The following CNTLN variants were observed in gnomAD, a reference collection of about 807,000 sequenced individuals.
CNTLN encodes the protein centlein.
Under a neutral mutation model 180.0 loss-of-function variants are expected in CNTLN, and 212 were observed. The observed-to-expected ratio is 1.18, with a 90% CI of 1.05 to 1.32. The LOEUF is 1.32. Among genes scored for constraint, CNTLN ranks in the 40% most tolerant of loss-of-function variants. CNTLN has a pLI of 0.00. For missense variants in CNTLN, 2,095 were observed against 1,610.9 expected (o/e 1.30, Z -5.14); for synonymous variants, 722 against 563.1 (o/e 1.28, Z -3.99).
At chr9:17,318,337 A>G (rs1186129101) in intron 8 of CNTLN, among the ~76,000 whole-genome samples, 2 of 152,038 alleles carry the variant, frequency 1.3e-5, no homozygotes, top group Admixed American at 1.3e-4. Flanking sequence ...CCCTAACTGA[A>G]TATTTTTAAA....
At chr9:17,189,987 GA>G (rs1821693431) in intron 2 of CNTLN, among the ~76,000 whole-genome samples, 1 of 151,650 alleles carries the variant, frequency 6.6e-6, no homozygotes, top group Non-Finnish European at 1.5e-5. Flanking sequence ...TTAATACTCA[GA>G]ACTTCCGGAA....
At chr9:17,293,758 T>C (rs1319785457) in intron 6 of CNTLN, among the ~76,000 whole-genome samples, 2 of 151,940 alleles carry the variant, frequency 1.3e-5, no homozygotes, top group Non-Finnish European at 2.9e-5. Context: ...CATTAGGAAG[T>C]TGGTAGTCGT....
chr9:17,507,548 A>G (rs574710248), downstream of CNTLN, among the ~76,000 whole-genome samples: 5 of 152,294 alleles, frequency 3.3e-5, no homozygotes, highest in South Asian at 1.0e-3. Flanking sequence ...TTCGGTTTTT[A>G]GTTCGAAGAG....
chr9:17,244,718 G>A (rs1320659480), intron 5 of CNTLN, among the ~76,000 whole-genome samples: 3 of 151,854 alleles, frequency 2.0e-5, no homozygotes, highest in African/African-American at 7.3e-5. Flanking sequence ...TCTCTTCCAT[G>A]TTTTCTTCCT....
At chr9:17,294,198 A>G (rs2132724429) in intron 6 of CNTLN, among the ~76,000 whole-genome samples, 1 of 152,144 alleles carries the variant, frequency 6.6e-6, no homozygotes, top group Non-Finnish European at 1.5e-5. Flanking sequence ...GATTTATTGC[A>G]AAGAGTGAAA....
intron 2 of CNTLN, among the ~76,000 whole-genome samples, chr9:17,192,312 C>G (rs1387893031): frequency 1.4e-5 from 2 of 147,312 alleles, no homozygotes; most frequent in African/African-American, 2.5e-5. Flanking sequence ...CATCTCGGCT[C>G]ACTGCAAACT....
At chr9:17,508,310 A>G (rs1275705397), downstream of CNTLN, among the ~76,000 whole-genome samples, 2 of 152,224 alleles carry the variant, frequency 1.3e-5, no homozygotes, top group Non-Finnish European at 2.9e-5. Flanking sequence ...GAGTTTTTGA[A>G]TACACTTCAC....
intron 2 of CNTLN, among the ~76,000 whole-genome samples, chr9:17,178,338 A>G (rs1820865572): frequency 1.3e-5 from 2 of 152,222 alleles, no homozygotes; most frequent in Admixed American, 1.3e-4. Context: ...TCAGGAGCCC[A>G]GCTGGCTTCA....
At chr9:17,148,175 A>G (rs999719696) in intron 2 of CNTLN, among the ~76,000 whole-genome samples, 4 of 152,068 alleles carry the variant, frequency 2.6e-5, no homozygotes, top group African/African-American at 9.7e-5. Flanking sequence ...ATAAACCTCT[A>G]TTCTCTCTCT....
At chr9:17,425,308 G>C (rs908280519) in intron 18 of CNTLN, among the ~76,000 whole-genome samples, 10 of 152,016 alleles carry the variant, frequency 6.6e-5, no homozygotes, top group African/African-American at 2.4e-4. Context: ...TCATCATGTG[G>C]TTAGTGTCCT....
chr9:17,288,258 A>T lies in CNTLN; in HGVS notation c.984-9932A>T, dbSNP rs4641158. 3.9e-5 allele frequency among the ~76,000 whole-genome samples: 4 copies of T among 101,366 alleles called. No individual in the cohort carries two copies. The East Asian group carries it at 1.1e-3, about 28-fold the overall frequency. The allele number at this position is 101,366 out of a possible 152,430, so 66.5% of individuals were successfully genotyped here. Reference sequence around the variant, plus strand: ...ACATCTTTATTGCTGCCTTCATTTCATTATGTACCCAGTAGTCATTCAGGA... The same window carrying T: ...ACATCTTTATTGCTGCCTTCATTTCTTTATGTACCCAGTAGTCATTCAGGA... On this transcript the variant is annotated intron_variant, in intron 6 of 25. Transcript: ENST00000380647.
intron 2 of CNTLN, among the ~76,000 whole-genome samples, chr9:17,150,805 T>G (rs1450611242): frequency 2.0e-5 from 3 of 152,214 alleles, no homozygotes. Flanking sequence ...TTCCATTTGT[T>G]TGTGTCCTCT....
intron 8 of CNTLN, 149 bp downstream of exon 8, chr9:17,309,401 C>A (rs1467178659): frequency 3.5e-6 from 2 of 575,822 alleles, no homozygotes; most frequent in Non-Finnish European, 2.9e-6. Context: ...TGTTTTTATA[C>A]TGTTTGTAGG....
intron 8 of CNTLN, among the ~76,000 whole-genome samples, chr9:17,325,943 C>G (rs1820261350): frequency 6.6e-6 from 1 of 152,040 alleles, no homozygotes; most frequent in South Asian, 2.1e-4. Context: ...TCGGCCCCCA[C>G]TGTAATAATG....
chr9:17,268,163 G>A (rs892716956), intron 5 of CNTLN, among the ~76,000 whole-genome samples: 3 of 152,102 alleles, frequency 2.0e-5, no homozygotes, highest in African/African-American at 7.2e-5. Context: ...CCATCTTTGT[G>A]GTTTTATCTA....
chr9:17,511,995 C>T, the CNTLN span, among the ~76,000 whole-genome samples: 1 of 152,202 alleles, frequency 6.6e-6, no homozygotes, highest in Non-Finnish European at 1.5e-5. Context: ...AGAGTGAGGT[C>T]TGTCACATAA....
chr9:17,184,537 T>G (rs929395337), intron 2 of CNTLN, among the ~76,000 whole-genome samples: 9 of 152,136 alleles, frequency 5.9e-5, no homozygotes, highest in Admixed American at 6.5e-5. Flanking sequence ...CACTTGAGAA[T>G]GTGGATAGAT....
chr9:17,298,563 A>C, intron 7 of CNTLN: 1 of 1,212,684 alleles, frequency 8.2e-7, no homozygotes. Context: ...ATCACTTAAA[A>C]TATAGATACA....
chr9:17,370,928 A>T (rs1824266602), intron 13 of CNTLN, among the ~76,000 whole-genome samples: 1 of 152,162 alleles, frequency 6.6e-6, no homozygotes, highest in South Asian at 2.1e-4. Flanking sequence ...CATTCATTGT[A>T]ACCTCAAATC....
Sources: allele counts gnomAD v4.1 joint callset (sites outside exome capture counted in the v4.1 genomes callset), GRCh38; gene constraint gnomAD v4.1.1; transcripts MANE v1.5; gene names NCBI Gene and HGNC (gene_info 2026-07-23, HGNC 2026-07-21).